Variants in ZFYVE28 observed in about 807,000 individuals in gnomAD.
ZFYVE28 encodes zinc finger FYVE-type containing 28.
In ZFYVE28, 40 loss-of-function variants were observed where a neutral mutation model predicts 82.1. The observed-to-expected ratio is 0.49, with a 90% CI of 0.38 to 0.63. ZFYVE28 has a LOEUF of 0.63. ZFYVE28 is among the 30% of genes least tolerant of loss of function. The pLI is 0.00. For synonymous variants in ZFYVE28, 612 were observed against 546.1 expected (o/e 1.12, Z -1.68); for missense variants, 1,321 against 1,242.1 (o/e 1.06, Z -0.96).
At chr4:2,327,825 T>G (rs1289299419) in intron 6 of ZFYVE28, among the ~76,000 whole-genome samples, 1 of 152,194 alleles carries the variant, frequency 6.6e-6, no homozygotes, top group Non-Finnish European at 1.5e-5. Context: ...ACATCACTAG[T>G]CATTAGAGAA....
intron 1 of ZFYVE28, among the ~76,000 whole-genome samples, chr4:2,389,028 C>T (rs1235226400): frequency 6.6e-6 from 1 of 152,208 alleles, no homozygotes; most frequent in Admixed American, 6.5e-5. Flanking sequence ...CCATTCTCCA[C>T]TGTGGGGGAA....
rs946699496 is a variant in ZFYVE28 at position 2,354,151 on chromosome 4, G to A, written c.40-78C>T. The A allele has an allele frequency of 2.9e-5, 40 of 1,370,070 alleles. No homozygotes were observed. The African/African-American group carries it at 5.0e-4, about 17-fold the overall frequency. 84.9% of individuals were successfully genotyped at this position (1,370,070 alleles called of 1,614,324 possible). On this transcript the variant is annotated intron_variant, in intron 1 of 12. Coordinates refer to ENST00000290974, the MANE Select transcript of ZFYVE28 (RefSeq NM_020972.3). ...CCTCGGTTGGTTGCCTTGTCCCCAG[G>A]CCATGTGTGGGCTCAGCCTGGGACC...
intron 8 of ZFYVE28, among the ~76,000 whole-genome samples, chr4:2,299,991 T>C (rs900171712): frequency 6.6e-6 from 1 of 151,952 alleles, no homozygotes; most frequent in African/African-American, 2.4e-5. Context: ...TGAGATGGGG[T>C]CTTGCTATGT....
At chr4:2,298,923 C>T (rs1276110862) in intron 8 of ZFYVE28, among the ~76,000 whole-genome samples, 1 of 152,178 alleles carries the variant, frequency 6.6e-6, no homozygotes, top group East Asian at 1.9e-4. Context: ...AAACCCAGGC[C>T]ACCAGAGATG....
In ZFYVE28 at chr4:2,396,672, GCC is replaced by G; in HGVS notation, c.39+21611_39+21612del. ...ATGGGACCAGCCATCCTGCAGAGGG[GCC>G]ACAAGGCGGGGTGTCTGAGCTGATG... On this transcript the variant is annotated intron_variant, in intron 1 of 12. Coordinates refer to ENST00000290974, the MANE Select transcript of ZFYVE28 (RefSeq NM_020972.3). 5.4e-3 allele frequency among the ~76,000 whole-genome samples: 106 copies of G among 19,644 alleles called. 29 individuals are homozygous for G. Among genetic ancestry groups the G allele is most frequent in the African/African-American group, 0.03 (102 of 3,400 alleles). The allele number at this position is 19,644 out of a possible 152,430, so 12.9% of individuals were successfully genotyped here.
intron 7 of ZFYVE28, among the ~76,000 whole-genome samples, chr4:2,312,456 C>T (rs1194058402): frequency 2.0e-5 from 3 of 152,086 alleles, no homozygotes; most frequent in South Asian, 2.1e-4. Context: ...GGGCCGGGCG[C>T]GGTGGCTCAC....
Position 2,339,646 on chromosome 4 carries a change from C to T in ZFYVE28, c.328G>A (p.Ala110Thr), listed in dbSNP as rs199786049. The stretch of plus-strand genomic sequence containing the variant: ...TCCCGGTTCATGATGATGGAGCCGG[C>T]GGCCAGGCACTGCGGGAGGGGACAC... ...QLWFGAECLA[A>T]GSIIMNRELE... Residue 110 changes from alanine to threonine, a missense_variant, in exon 4 of 13, where the codon GCC becomes ACC. By Grantham distance (58) the Ala-to-Thr change is moderately conservative. Around this residue, in one of 2 missense-constraint regions of ZFYVE28, gnomAD observed 343 missense variants for 408.4 expected, o/e 0.84. Coordinates refer to ENST00000290974, the MANE Select transcript of ZFYVE28 (RefSeq NM_020972.3). The surrounding 1 kb of genome is among the most constrained non-coding windows in gnomAD (Gnocchi z 5.0). The T allele has an allele frequency of 1.0e-5, 16 of 1,599,488 alleles. No homozygotes were observed. The highest frequency in any genetic ancestry group is 1.9e-4 in the Middle Eastern group (1 of 5,372).
Position 2,417,241 on chromosome 4 carries a change from G to T in ZFYVE28, c.39+1044C>A, listed in dbSNP as rs898513486. On this transcript the variant is annotated intron_variant, in intron 1 of 12. Coordinates refer to ENST00000290974, the MANE Select transcript of ZFYVE28 (RefSeq NM_020972.3). The surrounding 1 kb of genome is among the most constrained non-coding windows in gnomAD (Gnocchi z 4.8). The stretch of plus-strand genomic sequence containing the variant: ...ACCTCCCCCAAGATCTCAGGGCCCG[G>T]GCCTCCCCGCTGCGCCGGCCCCAGG... Among the ~76,000 whole-genome samples the T allele has an allele frequency of 6.6e-6, 1 of 152,150 alleles. No homozygotes were observed. The highest frequency in any genetic ancestry group is 2.4e-5 in the African/African-American group (1 of 41,450).
At chr4:2,378,199 G>A (rs1728360767) in intron 1 of ZFYVE28, among the ~76,000 whole-genome samples, 1 of 152,172 alleles carries the variant, frequency 6.6e-6, no homozygotes, top group African/African-American at 2.4e-5. Context: ...AAATTAACCA[G>A]GCACGGTAGT....
Position 2,341,637 on chromosome 4 carries a change from A to G in ZFYVE28, c.181-22T>C. 1.9e-6 allele frequency: 3 copies of G among 1,596,184 alleles called. No homozygotes were observed. The highest frequency in any genetic ancestry group is 2.6e-6 in the Non-Finnish European group (3 of 1,165,438). ...TGTCCTGAAACAGAAGACAGGAGAA[A>G]GTGCGCCAATCGCTGTGTCCAGCTG... On this transcript the variant is annotated intron_variant, in intron 2 of 12. Transcript: ENST00000290974. The surrounding 1 kb of genome is among the most constrained non-coding windows in gnomAD (Gnocchi z 4.5).
Position 2,304,672 on chromosome 4 carries a change from G to T in ZFYVE28, c.1668C>A (p.Ala556=), listed in dbSNP as rs1194910610. ...CGCAGGAATGCAGAAGGCAGTTGGT[G>T]GCCCCAGTGCTAAGCTTGTGGGGGC... ...DGGPHKLSTG[A]TNCLLHSCVC... The change falls in exon 8 of 13, where the codon GCC becomes GCA. Residue 556 remains alanine, a synonymous_variant. Transcript: ENST00000290974. The T allele has an allele frequency of 6.2e-7, 1 of 1,612,490 alleles. No individual in the cohort carries two copies. The highest frequency in any genetic ancestry group is 8.5e-7 in the Non-Finnish European group (1 of 1,179,892).
rs386399063 is a variant in ZFYVE28 at position 2,404,324 on chromosome 4, A to AAAAG, written c.39+13960_39+13961insCTTT. 5.6e-3 allele frequency among the ~76,000 whole-genome samples: 252 copies of AAAAG among 44,908 alleles called. 1 individual carries two copies. The highest frequency in any genetic ancestry group is 0.021 in the African/African-American group (248 of 11,692). The allele number at this position is 44,908 out of a possible 152,430, so 29.5% of individuals were successfully genotyped here. ...GACTCCGCCTCAAAAAAAAAAAAAA[A>AAAAG]AAAACGCTGAAGATGGAGCTACACA... On this transcript the variant is annotated intron_variant, in intron 1 of 12. Coordinates refer to ENST00000290974, the MANE Select transcript of ZFYVE28 (RefSeq NM_020972.3).
Position 2,270,413 on chromosome 4 carries a change from A to G in ZFYVE28, c.*312T>C. 2.4e-6 allele frequency: 1 copy of G among 415,186 alleles called. No individual in the cohort carries two copies. The highest frequency in any genetic ancestry group is 4.5e-6 in the Non-Finnish European group (1 of 222,802). 25.7% of individuals were successfully genotyped at this position (415,186 alleles called of 1,614,324 possible). A position where few individuals can be genotyped will look rare whatever the true frequency, so the allele number is the denominator to read the frequency against. Reference sequence around the variant, plus strand: ...CACCCGCCCCGATTCCCATAGCCCCAGCAGATCTCCGAGGGACCAGTGGGA... The same window carrying G: ...CACCCGCCCCGATTCCCATAGCCCCGGCAGATCTCCGAGGGACCAGTGGGA... On this transcript the variant is annotated 3_prime_UTR_variant, in exon 13 of 13. Transcript: ENST00000290974.
chr4:2,318,387 G>A (rs996639901), intron 7 of ZFYVE28, among the ~76,000 whole-genome samples: 2 of 152,018 alleles, frequency 1.3e-5, no homozygotes, highest in East Asian at 1.9e-4. Flanking sequence ...GTGAAACCCC[G>A]TCTCTACTAA....
chr4:2,376,042 T>C (rs28451614), intron 1 of ZFYVE28, among the ~76,000 whole-genome samples: 50,932 of 151,332 alleles, frequency 0.34, 9,103 homozygotes, highest in East Asian at 0.47. Flanking sequence ...CCTGGCTAAT[T>C]TTTTGTATTT....
At chr4:2,311,303 A>C (rs1717439511) in intron 7 of ZFYVE28, among the ~76,000 whole-genome samples, 1 of 152,194 alleles carries the variant, frequency 6.6e-6, no homozygotes, top group African/African-American at 2.4e-5. Flanking sequence ...AGGTGGGCAG[A>C]TCACAAGGTC....
In ZFYVE28 at chr4:2,355,271, T is replaced by TAA. The variant is rs1444372766; in HGVS notation, c.40-1200_40-1199dup. 5.8e-5 allele frequency among the ~76,000 whole-genome samples: 2 copies of TAA among 34,392 alleles called. 1 individual carries two copies. Among genetic ancestry groups the TAA allele is most frequent in the Non-Finnish European group, 1.0e-4 (2 of 19,352 alleles). 22.6% of individuals were successfully genotyped at this position (34,392 alleles called of 152,430 possible). ...ATATATATATATATATATATATATA[T>TAA]AATGATTCTTCTTTTTTTTTTTTTT... On this transcript the variant is annotated intron_variant, in intron 1 of 12. Transcript: ENST00000290974.
At chr4:2,373,621 C>T (rs568093555) in intron 1 of ZFYVE28, among the ~76,000 whole-genome samples, 6 of 152,274 alleles carry the variant, frequency 3.9e-5, no homozygotes, top group Admixed American at 2.0e-4. Flanking sequence ...GAGAACACAT[C>T]GATCCATTCT....
chr4:2,414,621 C>T (rs975760636), intron 1 of ZFYVE28, among the ~76,000 whole-genome samples: 15 of 152,308 alleles, frequency 9.8e-5, no homozygotes, highest in African/African-American at 3.1e-4. Context: ...GCCAGCATAA[C>T]CCACTGAGGG....
Sources: allele counts gnomAD v4.1 joint callset (sites outside exome capture counted in the v4.1 genomes callset), GRCh38; gene constraint gnomAD v4.1.1; regional missense constraint gnomAD v4.1.1; non-coding constraint Gnocchi (gnomAD v3.1); transcripts MANE v1.5; gene names NCBI Gene and HGNC (gene_info 2026-07-23, HGNC 2026-07-21).